SLC16A10: variants seen among roughly 807,000 people sequenced by gnomAD.
The protein encoded by SLC16A10 is solute carrier family 16 member 10.
In SLC16A10, 27 loss-of-function variants were observed where a neutral mutation model predicts 40.0. The observed-to-expected ratio is 0.67, with a 90% CI of 0.50 to 0.93. The LOEUF is 0.93. SLC16A10 is among the 40% of genes least tolerant of loss of function. The probability of loss-of-function intolerance (pLI) is 0.00; values close to 1 mark genes in which losing one functional copy is unlikely to be tolerated. For synonymous variants in SLC16A10, 213 were observed against 249.8 expected, an observed-to-expected ratio of 0.85 and a Z score of 1.39; for missense variants, 529 against 658.2, an observed-to-expected ratio of 0.80 and a Z score of 2.15.
At chr6:111,094,947 A>G (rs985396205) in intron 1 of SLC16A10, among the ~76,000 whole-genome samples, 1 of 152,140 alleles carries the variant, frequency 6.6e-6, no homozygotes, top group Non-Finnish European at 1.5e-5. Flanking sequence ...GGCCACCTTC[A>G]TTACTATTGG....
intron 4 of SLC16A10, among the ~76,000 whole-genome samples, chr6:111,217,156 G>A (rs1049050740): frequency 6.6e-6 from 1 of 152,228 alleles, no homozygotes; most frequent in Admixed American, 6.5e-5. Flanking sequence ...GCCTGCTGCT[G>A]CCCCCGTGGG....
intron 1 of SLC16A10, among the ~76,000 whole-genome samples, chr6:111,169,571 G>A (rs1289510508): frequency 2.0e-5 from 3 of 152,238 alleles, no homozygotes; most frequent in African/African-American, 7.2e-5. Flanking sequence ...AAGAAAAGCA[G>A]CTGATTTCAA....
chr6:111,109,530 C>T (rs1285998972), intron 1 of SLC16A10, among the ~76,000 whole-genome samples: 1 of 150,834 alleles, frequency 6.6e-6, no homozygotes, highest in African/African-American at 2.4e-5. Flanking sequence ...TCATGGCTCA[C>T]TGCAGCCTTG....
chr6:111,144,267 G>A (rs1583325993), intron 1 of SLC16A10, among the ~76,000 whole-genome samples: 1 of 152,260 alleles, frequency 6.6e-6, no homozygotes, highest in Non-Finnish European at 1.5e-5. Flanking sequence ...GCAGTGGCAC[G>A]ATTTCGGCTC....
chr6:111,185,805 G>A (rs962734901), intron 3 of SLC16A10, among the ~76,000 whole-genome samples: 1 of 152,050 alleles, frequency 6.6e-6, no homozygotes, highest in South Asian at 2.1e-4. Flanking sequence ...TAAACGCTCC[G>A]AGGCCACTGG....
At chr6:111,118,698 A>C (rs1275912090) in intron 1 of SLC16A10, among the ~76,000 whole-genome samples, 1 of 151,766 alleles carries the variant, frequency 6.6e-6, no homozygotes, top group African/African-American at 2.4e-5. Context: ...AAAAAAAAAA[A>C]AAGGTGAATT....
chr6:111,132,919 G>A (rs1224559112), intron 1 of SLC16A10, among the ~76,000 whole-genome samples: 1 of 152,194 alleles, frequency 6.6e-6, no homozygotes, highest in Non-Finnish European at 1.5e-5. Flanking sequence ...CGAGCTATTT[G>A]CACTCAGCCA....
intron 4 of SLC16A10, among the ~76,000 whole-genome samples, chr6:111,217,038 A>G (rs1773437164): frequency 6.6e-6 from 1 of 152,136 alleles, no homozygotes; most frequent in Non-Finnish European, 1.5e-5. Flanking sequence ...CCTAGGAAAA[A>G]CAGAACAGAT....
At chr6:111,155,217 A>G (rs919283199) in intron 1 of SLC16A10, among the ~76,000 whole-genome samples, 3 of 150,254 alleles carry the variant, frequency 2.0e-5, no homozygotes, top group African/African-American at 7.3e-5. Flanking sequence ...TTTTTTTTGA[A>G]ACAGGATCTT....
At chr6:111,190,781 C>T (rs1040333614) in intron 3 of SLC16A10, among the ~76,000 whole-genome samples, 1 of 152,174 alleles carries the variant, frequency 6.6e-6, no homozygotes, top group Non-Finnish European at 1.5e-5. Context: ...AAGCTGCACA[C>T]AGCAGGGGGG....
At chr6:111,141,297 C>G (rs1478329864) in intron 1 of SLC16A10, among the ~76,000 whole-genome samples, 2 of 152,046 alleles carry the variant, frequency 1.3e-5, no homozygotes, top group Non-Finnish European at 2.9e-5. Flanking sequence ...AAGATCTAGT[C>G]ACAGTAATGA....
At chr6:111,209,794 C>T (rs1406994383) in intron 4 of SLC16A10, among the ~76,000 whole-genome samples, 1 of 152,120 alleles carries the variant, frequency 6.6e-6, no homozygotes, top group East Asian at 1.9e-4. Context: ...GAAAGGTTTT[C>T]ATTGAATTTA....
At chr6:111,205,158 T>G (rs1481961081) in intron 3 of SLC16A10, among the ~76,000 whole-genome samples, 1 of 152,158 alleles carries the variant, frequency 6.6e-6, no homozygotes, top group Non-Finnish European at 1.5e-5. Flanking sequence ...ACACAGAAGT[T>G]AGGGAAAACA....
At chr6:111,172,010 C>A (rs1489195306) in intron 1 of SLC16A10, among the ~76,000 whole-genome samples, 2 of 152,026 alleles carry the variant, frequency 1.3e-5, no homozygotes, top group East Asian at 1.9e-4. Context: ...CCAAGACAGA[C>A]AATTTGTTGT....
intron 3 of SLC16A10, among the ~76,000 whole-genome samples, chr6:111,190,658 T>C (rs1305275643): frequency 6.6e-6 from 1 of 152,220 alleles, no homozygotes; most frequent in African/African-American, 2.4e-5. Flanking sequence ...CTCAACACCA[T>C]GTGGAAGCTG....
intron 1 of SLC16A10, among the ~76,000 whole-genome samples, chr6:111,114,123 C>T (rs1771441897): frequency 6.6e-6 from 1 of 151,922 alleles, no homozygotes; most frequent in African/African-American, 2.4e-5. Context: ...GTTTTGTATA[C>T]CTTTTCTTTG....
chr6:111,122,190 C>A (rs1436741829), intron 1 of SLC16A10, among the ~76,000 whole-genome samples: 1 of 152,168 alleles, frequency 6.6e-6, no homozygotes, highest in Non-Finnish European at 1.5e-5. Flanking sequence ...TTATCCCAGG[C>A]TGGCAGCGTG....
At chr6:111,182,690 A>G (rs1467225428) in intron 3 of SLC16A10, among the ~76,000 whole-genome samples, 1 of 152,100 alleles carries the variant, frequency 6.6e-6, no homozygotes, top group Non-Finnish European at 1.5e-5. Flanking sequence ...TACCCTGTCT[A>G]ACCCTGAGGT....
intron 1 of SLC16A10, among the ~76,000 whole-genome samples, chr6:111,114,032 G>C (rs1457647123): frequency 6.6e-6 from 1 of 152,144 alleles, no homozygotes; most frequent in East Asian, 1.9e-4. Flanking sequence ...GACGTCTGCT[G>C]TTCCCAGCTA....
Sources: gnomAD v4.1 joint callset for allele counts (sites outside exome capture counted in the v4.1 genomes callset) on GRCh38, gnomAD v4.1.1 for gene constraint, MANE v1.5 for transcripts, NCBI Gene and HGNC (gene_info 2026-07-23, HGNC 2026-07-21) for gene names.